The following NCKAP5 variants were observed in gnomAD, a reference collection of about 807,000 sequenced individuals.
NCKAP5 encodes the protein nck-associated protein 5.
In NCKAP5, 92 loss-of-function variants were observed where a neutral mutation model predicts 167.0. The ratio of observed to expected loss-of-function variants is 0.55; its 90% CI spans 0.47 to 0.66. The LOEUF is 0.66. NCKAP5 is among the 30% of genes least tolerant of loss of function. The pLI, the probability that NCKAP5 is intolerant of heterozygous loss-of-function variation, is 0.00. For missense variants in NCKAP5, 2,378 were observed against 2,315.0 expected (o/e 1.03, Z -0.56); for synonymous variants, 891 against 877.4 (o/e 1.02, Z -0.27).
chr2:132,977,020 T>C (rs954650889), intron 7 of NCKAP5, among the ~76,000 whole-genome samples: 4 of 152,172 alleles, frequency 2.6e-5, no homozygotes, highest in Non-Finnish European at 5.9e-5. Context: ...ACAATGATAA[T>C]AATAATACAT....
rs770681534 is a variant in NCKAP5, at chr2:132,783,566, T to C, written c.3245A>G (p.Lys1082Arg). The change falls in exon 14 of 20, where the codon AAA becomes AGA. Residue 1082 changes from lysine to arginine, a missense_variant. Physicochemically the swap from Lys to Arg is conservative, Grantham distance 26. Around this residue, in one of 3 missense-constraint regions of NCKAP5, gnomAD observed 1,325 missense variants for 1,274.5 expected, o/e 1.04. Coordinates refer to ENST00000409261, the MANE Select transcript of NCKAP5 (RefSeq NM_207363.3). ...TCCTTTTCTCCCTGGAGATACACTT[T>C]TGGAGGACGTCATTTCCAGTGGCTC... is the stretch of plus-strand genomic sequence containing the variant. The part of the protein sequence containing the change: ...THEPLEMTSS[K>R]SVSPGRKGQL... The C allele has an allele frequency of 5.0e-6, 8 of 1,613,838 alleles. No individual in the cohort carries two copies. In the South Asian group the frequency reaches 8.8e-5, roughly 18 times the overall value.
chr2:132,905,746 C>T (rs931373945), intron 8 of NCKAP5, among the ~76,000 whole-genome samples: 1 of 152,168 alleles, frequency 6.6e-6, no homozygotes, highest in African/African-American at 2.4e-5. Flanking sequence ...CACCATTCCT[C>T]ATTTACAGAA....
the NCKAP5 span, among the ~76,000 whole-genome samples, chr2:133,644,089 T>C: frequency 1.3e-5 from 2 of 152,200 alleles, no homozygotes; most frequent in African/African-American, 2.4e-5. Flanking sequence ...GACAGGGCCA[T>C]GAGGCACCCA....
chr2:132,965,874 A>G (rs1297602642), intron 7 of NCKAP5, among the ~76,000 whole-genome samples: 2 of 150,464 alleles, frequency 1.3e-5, no homozygotes, highest in East Asian at 3.9e-4. Context: ...CGAGACCACC[A>G]TCACACATCT....
chr2:133,119,877 T>C (rs1027517052), intron 6 of NCKAP5, among the ~76,000 whole-genome samples: 9 of 151,642 alleles, frequency 5.9e-5, no homozygotes, highest in South Asian at 2.1e-4. Flanking sequence ...TTCGATATCA[T>C]ATAATAGGCT....
intron 19 of NCKAP5, among the ~76,000 whole-genome samples, chr2:132,713,049 A>G (rs146486436): frequency 6.6e-6 from 1 of 152,320 alleles, no homozygotes; most frequent in Admixed American, 6.5e-5. Flanking sequence ...AGTGGGAGAA[A>G]GCAAAACAAA....
the NCKAP5 span, among the ~76,000 whole-genome samples, chr2:133,634,413 A>G: frequency 4.5e-3 from 693 of 152,316 alleles, 3 homozygotes; most frequent in African/African-American, 0.016. Flanking sequence ...TGTTAGTTGT[A>G]TTGGAAAAAT....
At chr2:132,903,006 A>T (rs1484147753) in intron 8 of NCKAP5, among the ~76,000 whole-genome samples, 1 of 152,146 alleles carries the variant, frequency 6.6e-6, no homozygotes, top group East Asian at 1.9e-4. Flanking sequence ...CGACACCCTC[A>T]CCCTGGGTCA....
chr2:133,482,218 TTC>T (rs1397269738), intron 3 of NCKAP5, among the ~76,000 whole-genome samples: 1 of 150,768 alleles, frequency 6.6e-6, no homozygotes, highest in African/African-American at 2.5e-5. Flanking sequence ...TCCTTTTTTT[TTC>T]TTTTTCTTTT....
rs116205250 is a variant in NCKAP5, at chr2:133,285,428, T to C, written c.143+17609A>G. 6.1e-3 allele frequency among the ~76,000 whole-genome samples: 924 copies of C among 150,258 alleles called. 15 individuals are homozygous for C. The highest frequency in any genetic ancestry group is 0.021 in the African/African-American group (862 of 41,346). ...GCTCTGCTTTAAAACTGCTTGGCAA[T>C]GGAATTTCTATAGTATAATGGTTTA... On this transcript the variant is annotated intron_variant, in intron 4 of 19. Transcript: ENST00000409261.
At chr2:133,546,305 C>T (rs929763038) in intron 2 of NCKAP5, among the ~76,000 whole-genome samples, 7 of 152,024 alleles carry the variant, frequency 4.6e-5, no homozygotes, top group Admixed American at 3.9e-4. Flanking sequence ...CTCATTATTG[C>T]CCAAGAGATT....
At chr2:132,775,674 A>G (rs1187396530) in intron 15 of NCKAP5, among the ~76,000 whole-genome samples, 2 of 152,222 alleles carry the variant, frequency 1.3e-5, no homozygotes, top group African/African-American at 4.8e-5. Context: ...TTGCCTTCCA[A>G]GGTTCTCTTT....
chr2:132,976,549 G>A (rs2076981553), intron 7 of NCKAP5, among the ~76,000 whole-genome samples: 1 of 142,676 alleles, frequency 7.0e-6, no homozygotes, highest in African/African-American at 2.7e-5. Context: ...GGGTGACAGA[G>A]CGAGACTCCA....
chr2:132,904,036 C>T (rs1280817572), intron 8 of NCKAP5, among the ~76,000 whole-genome samples: 1 of 152,074 alleles, frequency 6.6e-6, no homozygotes, highest in Admixed American at 6.6e-5. Flanking sequence ...CGCCTGTAAT[C>T]CCAGCACTTT....
intron 16 of NCKAP5, among the ~76,000 whole-genome samples, chr2:132,745,150 T>A (rs1034056562): frequency 4.0e-5 from 6 of 151,688 alleles, no homozygotes; most frequent in South Asian, 2.1e-4. Context: ...AAAGACATCA[T>A]ACATAGAGGA....
chr2:133,148,190 C>A (rs930010915), intron 5 of NCKAP5, among the ~76,000 whole-genome samples: 1 of 152,030 alleles, frequency 6.6e-6, no homozygotes, highest in African/African-American at 2.4e-5. Context: ...CAGTTGCCAG[C>A]AAAAGTCAAT....
chr2:133,390,828 G>T (rs1195236925), intron 3 of NCKAP5, among the ~76,000 whole-genome samples: 1 of 152,182 alleles, frequency 6.6e-6, no homozygotes, highest in Non-Finnish European at 1.5e-5. Flanking sequence ...AATTTATAAA[G>T]GATCTTCAGT....
chr2:133,555,408 G>A (rs1416582327), intron 2 of NCKAP5, among the ~76,000 whole-genome samples: 3 of 152,098 alleles, frequency 2.0e-5, no homozygotes, highest in Admixed American at 6.5e-5. Context: ...TTTCCCTGGA[G>A]CTCACTATAT....
the NCKAP5 span, among the ~76,000 whole-genome samples, chr2:133,670,040 A>C: frequency 3.2e-3 from 491 of 152,350 alleles, 2 homozygotes; most frequent in African/African-American, 0.011. Flanking sequence ...GGTAAATTGT[A>C]TGTGGGATTA....
Sources: gnomAD v4.1 joint callset for allele counts (sites outside exome capture counted in the v4.1 genomes callset) on GRCh38, gnomAD v4.1.1 for gene constraint, gnomAD v4.1.1 regional missense constraint, MANE v1.5 for transcripts, NCBI Gene and HGNC (gene_info 2026-07-23, HGNC 2026-07-21) for gene names.